The following IL17RB variants were observed in gnomAD, a reference collection of about 807,000 sequenced individuals.
IL17RB encodes interleukin 17 receptor B.
IL17RB carries 36 observed loss-of-function variants against 43.9 expected under a neutral mutation model. That is an observed-to-expected ratio of 0.82 (90% CI 0.63 to 1.08). The LOEUF (loss-of-function observed/expected upper bound fraction) is 1.08. IL17RB is among the 50% of genes least tolerant of loss of function. The pLI is 0.00. For missense variants in IL17RB, 613 were observed against 613.6 expected (o/e 1.00, Z 0.01); for synonymous variants, 225 against 225.4 (o/e 1.00, Z 0.02).
chr3:53,855,020 G>A (rs1053529206), intron 5 of IL17RB, among the ~76,000 whole-genome samples: 2 of 151,400 alleles, frequency 1.3e-5, no homozygotes, highest in South Asian at 2.1e-4. Context: ...AGGAGCCTGA[G>A]GCAGGAGAAT....
At chr3:53,857,546 A>C (rs925365390) in intron 7 of IL17RB, 70 bp from the exon 8 acceptor site, 1 of 1,424,634 alleles carries the variant, frequency 7.0e-7, no homozygotes, top group African/African-American at 1.4e-5. Context: ...TGGCCTCCCA[A>C]AGTGTTGGGA....
chr3:53,847,146 G>A (rs982612786), intron 1 of IL17RB, among the ~76,000 whole-genome samples: 2 of 152,090 alleles, frequency 1.3e-5, no homozygotes, highest in Middle Eastern at 3.2e-3. Context: ...ATGATCGAGG[G>A]AATCTTCTGG....
At position 53,849,895 on chromosome 3, in the gene IL17RB, A is replaced by G. The variant is rs1382403790; in HGVS notation, c.226+100A>G. 5 of 1,163,312 alleles carry G rather than the reference A, an allele frequency of 4.3e-6. No homozygotes were observed. The African/African-American group carries it at 7.8e-5, about 18-fold the overall frequency. The allele number at this position is 1,163,312 out of a possible 1,614,324, so 72.1% of individuals were successfully genotyped here. ...AATTCCCCTTCTACGCATAACCAAC[A>G]GAAATACATGCATACACGCACCAAA... On this transcript the variant is annotated intron_variant, in intron 3 of 10. Transcript: ENST00000288167.
intron 3 of IL17RB, among the ~76,000 whole-genome samples, chr3:53,850,145 G>A (rs894698329): frequency 6.6e-6 from 1 of 152,242 alleles, no homozygotes; most frequent in Admixed American, 6.5e-5. Flanking sequence ...AGGCATACAT[G>A]CCATATGATC....
intron 10 of IL17RB, among the ~76,000 whole-genome samples, chr3:53,863,016 T>C (rs1230536220): frequency 2.0e-5 from 3 of 152,316 alleles, no homozygotes; most frequent in South Asian, 2.1e-4. Flanking sequence ...AACAAGATGA[T>C]GACAAGAATA....
intron 5 of IL17RB, among the ~76,000 whole-genome samples, chr3:53,854,634 TG>T (rs1238222093): frequency 6.6e-6 from 1 of 152,186 alleles, no homozygotes; most frequent in Non-Finnish European, 1.5e-5. Flanking sequence ...GACACCAGGC[TG>T]GGGGTCACCA....
intron 9 of IL17RB, chr3:53,859,868 C>A: frequency 3.0e-6 from 1 of 329,914 alleles, no homozygotes; most frequent in East Asian, 5.6e-5. Context: ...TACAAAGTGG[C>A]TGGGCGCGGT....
chr3:53,851,109 C>G (rs577039307), intron 3 of IL17RB, among the ~76,000 whole-genome samples: 2 of 152,186 alleles, frequency 1.3e-5, no homozygotes, highest in Admixed American at 6.5e-5. Context: ...GGCATTTCCC[C>G]AAGATTGTGC....
At chr3:53,859,980 A>T in intron 9 of IL17RB, 150 bp from the exon 10 acceptor site, 1 of 579,172 alleles carries the variant, frequency 1.7e-6, no homozygotes, top group Non-Finnish European at 3.0e-6. Context: ...ACTGCACTCC[A>T]GCCTAGGCAA....
In IL17RB at chr3:53,849,807, T is replaced by C. The variant is rs1253601850; in HGVS notation, c.226+12T>C. On this transcript the variant is annotated intron_variant, in intron 3 of 10. Transcript: ENST00000288167. The stretch of plus-strand genomic sequence containing the variant: ...ACTCCGGGCAGATGGTAAGTTTGCA[T>C]CCATCAGAGATAAGGCCCAAAGTGT... 1 of 1,591,774 alleles carries C rather than the reference T, an allele frequency of 6.3e-7. No homozygotes were observed. The highest frequency in any genetic ancestry group is 8.6e-7 in the Non-Finnish European group (1 of 1,165,040).
chr3:53,860,696 T>C (rs1699532406), intron 10 of IL17RB: 1 of 152,166 alleles, frequency 6.6e-6, no homozygotes, highest in South Asian at 2.1e-4. Context: ...TATTGGAAAA[T>C]TTTTTGGAGA....
intron 10 of IL17RB, among the ~76,000 whole-genome samples, chr3:53,864,243 G>A (rs1159380514): frequency 6.6e-6 from 1 of 152,202 alleles, no homozygotes; most frequent in Non-Finnish European, 1.5e-5. Context: ...GGTTTAAAAA[G>A]TTAAGGTTTA....
intron 1 of IL17RB, among the ~76,000 whole-genome samples, chr3:53,847,543 C>T (rs1358247491): frequency 6.6e-6 from 1 of 151,400 alleles, no homozygotes; most frequent in East Asian, 1.9e-4. Context: ...CCTGTAATCC[C>T]AGCACTTTGG....
At chr3:53,863,824 T>A (rs1352910906) in intron 10 of IL17RB, among the ~76,000 whole-genome samples, 1 of 57,020 alleles carries the variant, frequency 1.8e-5, no homozygotes. Context: ...TCAAAGTATT[T>A]TTTTTTTTTT....
chr3:53,860,859 A>G (rs1375082764), intron 10 of IL17RB: 2 of 152,256 alleles, frequency 1.3e-5, no homozygotes, highest in Non-Finnish European at 2.9e-5. Flanking sequence ...ATAGTTAACT[A>G]TTTTAACTAT....
At chr3:53,858,170 T>G (rs904516121) in intron 8 of IL17RB, 4 of 192,656 alleles carry the variant, frequency 2.1e-5, no homozygotes, top group African/African-American at 9.4e-5. Flanking sequence ...CAACTCTAGT[T>G]TTTGAGGTGG....
chr3:53,864,605 G>A lies in IL17RB; in HGVS notation c.947-141G>A, dbSNP rs1351025224. 4 of 675,234 alleles carry A rather than the reference G, an allele frequency of 5.9e-6. No homozygotes were observed. The African/African-American group carries it at 7.2e-5, about 12-fold the overall frequency. The allele number at this position is 675,234 out of a possible 1,614,324, so 41.8% of individuals were successfully genotyped here. ...ATGTGTTCAAAAGGAACATCAGGAT[G>A]TTTTTCCTTGCTGTCACTAACAAGG... is the stretch of plus-strand genomic sequence containing the variant. On this transcript the variant is annotated intron_variant, in intron 10 of 10. Coordinates refer to ENST00000288167, the MANE Select transcript of IL17RB (RefSeq NM_018725.4).
chr3:53,853,006 C>T lies in IL17RB; in HGVS notation c.481+9C>T. On this transcript the variant is annotated intron_variant, in intron 5 of 10. Transcript: ENST00000288167. ...GAATTTCACCTCACCAGGTAAACTT[C>T]CTCATTTGTTTATTATTCTTTGTCT... 6.2e-7 allele frequency: 1 copy of T among 1,613,936 alleles called. No individual in the cohort carries two copies. Among genetic ancestry groups the T allele is most frequent in the Non-Finnish European group, 8.5e-7 (1 of 1,179,844 alleles).
chr3:53,849,081 T>C (rs1699039596), intron 2 of IL17RB, among the ~76,000 whole-genome samples: 2 of 151,914 alleles, frequency 1.3e-5, no homozygotes, highest in Admixed American at 1.3e-4. Flanking sequence ...GCCCAAAAAA[T>C]GTGGGTAGGA....
Sources: allele counts gnomAD v4.1 joint callset (sites outside exome capture counted in the v4.1 genomes callset), GRCh38; gene constraint gnomAD v4.1.1; transcripts MANE v1.5; gene names NCBI Gene and HGNC (gene_info 2026-07-23, HGNC 2026-07-21).